FCHSD2: variants seen among roughly 807,000 people sequenced by gnomAD.
FCHSD2 encodes FCH and double SH3 domains 2, also known as F-BAR and double SH3 domains protein 2.
In FCHSD2, 38 loss-of-function variants were observed where a neutral mutation model predicts 108.1. That is an observed-to-expected ratio of 0.35 (90% confidence interval 0.27 to 0.46). FCHSD2 has a LOEUF of 0.46. Among genes scored for constraint, FCHSD2 ranks in the 20% least tolerant of loss-of-function variants. The pLI is 1.00. For synonymous variants in FCHSD2, 279 were observed against 314.7 expected (o/e 0.89, Z 1.20); for missense variants, 751 against 897.8 (o/e 0.84, Z 2.09).
chr11:73,096,601 T>A (rs528146605), intron 2 of FCHSD2, among the ~76,000 whole-genome samples: 2 of 151,940 alleles, frequency 1.3e-5, no homozygotes, highest in African/African-American at 4.8e-5. Flanking sequence ...CACTTCCAGA[T>A]AGAATTATAG....
intron 13 of FCHSD2, among the ~76,000 whole-genome samples, chr11:72,856,344 T>G (rs997712539): frequency 3.9e-5 from 6 of 152,198 alleles, no homozygotes; most frequent in African/African-American, 1.4e-4. Flanking sequence ...AGTTCTACTT[T>G]TTCATGAATT....
intron 2 of FCHSD2, among the ~76,000 whole-genome samples, chr11:73,110,421 G>A (rs1399131946): frequency 6.6e-6 from 1 of 152,122 alleles, no homozygotes; most frequent in Non-Finnish European, 1.5e-5. Flanking sequence ...ATCTTGATAA[G>A]TTGTATGTGT....
intron 8 of FCHSD2, among the ~76,000 whole-genome samples, chr11:72,955,943 G>A (rs935245753): frequency 2.0e-5 from 3 of 152,176 alleles, no homozygotes; most frequent in African/African-American, 7.2e-5. Flanking sequence ...CAGAAGCAAT[G>A]AGCACACCAA....
intron 3 of FCHSD2, among the ~76,000 whole-genome samples, chr11:73,071,423 G>A (rs1247438417): frequency 6.6e-6 from 1 of 152,026 alleles, no homozygotes; most frequent in Non-Finnish European, 1.5e-5. Flanking sequence ...TGGGCGCAGT[G>A]GCTCACGCCT....
chr11:72,955,102 G>T (rs79329636), intron 8 of FCHSD2, among the ~76,000 whole-genome samples: 4 of 152,082 alleles, frequency 2.6e-5, no homozygotes, highest in Non-Finnish European at 5.9e-5. Context: ...AGAGCGTCAG[G>T]TCTCACAGAC....
chr11:73,001,301 T>C (rs1039960285), intron 4 of FCHSD2, among the ~76,000 whole-genome samples, 167 bp from the exon 5 acceptor site: 2 of 152,222 alleles, frequency 1.3e-5, no homozygotes, highest in Non-Finnish European at 2.9e-5. Flanking sequence ...CAACATGGCA[T>C]ATACTCTATT....
At chr11:72,897,251 T>A (rs1855440886) in intron 10 of FCHSD2, among the ~76,000 whole-genome samples, 1 of 151,784 alleles carries the variant, frequency 6.6e-6, no homozygotes, top group Non-Finnish European at 1.5e-5. Flanking sequence ...TAGTTGTCCT[T>A]CCATATCTGT....
intron 3 of FCHSD2, among the ~76,000 whole-genome samples, chr11:73,028,180 GA>G (rs1291297980): frequency 6.6e-6 from 1 of 152,072 alleles, no homozygotes; most frequent in African/African-American, 2.4e-5. Flanking sequence ...CATGTACCTG[GA>G]AAAGCCGCAG....
chr11:73,046,377 C>CA (rs1398814838), intron 3 of FCHSD2, among the ~76,000 whole-genome samples: 1 of 152,086 alleles, frequency 6.6e-6, no homozygotes, highest in Non-Finnish European at 1.5e-5. Context: ...GCCAATACAG[C>CA]AAGAATGCAT....
rs370098964 is a variant in FCHSD2 at position 73,098,394 on chromosome 11, T to C, written c.120-14654A>G. On this transcript the variant is annotated intron_variant, in intron 2 of 19. Coordinates refer to ENST00000409418, the MANE Select transcript of FCHSD2 (RefSeq NM_014824.3). The stretch of plus-strand genomic sequence containing the variant: ...TAATTGATTTCTAGCTTCATTCCTC[T>C]ATGGGTAAAGAAAATACTTTATATG... Among the ~76,000 whole-genome samples, 5 of 152,184 alleles carry C rather than the reference T, an allele frequency of 3.3e-5. No individual in the cohort carries two copies. In the South Asian group the frequency reaches 1.0e-3, roughly 32 times the overall value.
chr11:72,854,855 G>A (rs942477917), intron 13 of FCHSD2, among the ~76,000 whole-genome samples: 4 of 152,096 alleles, frequency 2.6e-5, no homozygotes, highest in African/African-American at 9.7e-5. Flanking sequence ...TACTAGAAAT[G>A]GGCCAGGCAC....
intron 3 of FCHSD2, among the ~76,000 whole-genome samples, chr11:73,045,009 GC>G (rs1475298720): frequency 3.3e-5 from 5 of 151,458 alleles, no homozygotes; most frequent in African/African-American, 1.2e-4. Context: ...GGCGGAGGTT[GC>G]AGTGAGCCGA....
At chr11:72,999,670 T>C (rs566870342) in intron 5 of FCHSD2, among the ~76,000 whole-genome samples, 1 of 152,294 alleles carries the variant, frequency 6.6e-6, no homozygotes, top group South Asian at 2.1e-4. Context: ...GGTCTGAGAT[T>C]ACTTCATCAA....
chr11:72,932,822 A>G (rs1856221840), intron 8 of FCHSD2, among the ~76,000 whole-genome samples: 1 of 152,184 alleles, frequency 6.6e-6, no homozygotes, highest in African/African-American at 2.4e-5. Context: ...AGGGTTTGGC[A>G]TACTGGTAGT....
intron 8 of FCHSD2, among the ~76,000 whole-genome samples, chr11:72,923,434 A>G (rs1167089189): frequency 6.6e-6 from 1 of 152,058 alleles, no homozygotes; most frequent in African/African-American, 2.4e-5. Flanking sequence ...GAGGGTTCAA[A>G]TTCTCCACAC....
chr11:73,029,461 G>A (rs563874327), intron 3 of FCHSD2, among the ~76,000 whole-genome samples: 2 of 152,328 alleles, frequency 1.3e-5, no homozygotes, highest in East Asian at 3.9e-4. Context: ...TAGCTCAGCT[G>A]TGGCTACCCA....
chr11:72,977,574 A>C (rs970875461), intron 8 of FCHSD2, among the ~76,000 whole-genome samples: 5 of 152,270 alleles, frequency 3.3e-5, no homozygotes, highest in Middle Eastern at 3.2e-3. Flanking sequence ...AACTACAATG[A>C]GATACCATCT....
intron 3 of FCHSD2, among the ~76,000 whole-genome samples, chr11:73,070,314 T>A (rs535509399): frequency 2.2e-4 from 33 of 152,344 alleles, no homozygotes; most frequent in African/African-American, 7.9e-4. Context: ...GTTTTACTGA[T>A]AACATTCCAG....
chr11:73,127,541 CT>C (rs1463860021), intron 2 of FCHSD2, among the ~76,000 whole-genome samples: 1 of 152,182 alleles, frequency 6.6e-6, no homozygotes, highest in Admixed American at 6.5e-5. Context: ...CAGATCACCC[CT>C]GAAGACTGAT....
Sources: gnomAD v4.1 joint callset for allele counts (sites outside exome capture counted in the v4.1 genomes callset) on GRCh38, gnomAD v4.1.1 for gene constraint, MANE v1.5 for transcripts, NCBI Gene and HGNC (gene_info 2026-07-23, HGNC 2026-07-21) for gene names.